Variants in SMYD3 observed in about 807,000 individuals in gnomAD.
SMYD3 encodes histone-lysine N-methyltransferase SMYD3.
In SMYD3, 36 loss-of-function variants were observed where a neutral mutation model predicts 57.7. The ratio of observed to expected loss-of-function variants is 0.62; its 90% confidence interval spans 0.48 to 0.82. The LOEUF (loss-of-function observed/expected upper bound fraction) is 0.82. SMYD3 is among the 40% of genes least tolerant of loss of function. The probability of loss-of-function intolerance (pLI) is 0.00; values close to 1 mark genes in which losing one functional copy is unlikely to be tolerated. For synonymous variants in SMYD3, 211 were observed against 195.0 expected, an observed-to-expected ratio of 1.08 and a Z score of -0.68; for missense variants, 515 against 538.8, an observed-to-expected ratio of 0.96 and a Z score of 0.44.
At position 246,378,759 on chromosome 1, in the gene SMYD3, A is replaced by T. The variant is rs1453407430; in HGVS notation, c.165-23665T>A. The stretch of plus-strand genomic sequence containing the variant: ...ATATATAATTATATATAATATATTT[A>T]ATATATTATATATAATTTAATATAT... On this transcript the variant is annotated intron_variant, in intron 1 of 11. Coordinates refer to ENST00000490107, the MANE Select transcript of SMYD3 (RefSeq NM_001167740.2). Among the ~76,000 whole-genome samples, 3 of 105,352 alleles carry T rather than the reference A, an allele frequency of 2.8e-5. No homozygotes were observed. In the Admixed American group the frequency reaches 3.6e-4, roughly 13 times the overall value. 69.1% of individuals were successfully genotyped at this position (105,352 alleles called of 152,430 possible). A position where few individuals can be genotyped will look rare whatever the true frequency, so the allele number is the denominator to read the frequency against.
At chr1:246,183,328 T>C (rs1168259347) in intron 5 of SMYD3, among the ~76,000 whole-genome samples, 1 of 151,298 alleles carries the variant, frequency 6.6e-6, no homozygotes, top group Non-Finnish European at 1.5e-5. Flanking sequence ...TTCAAAGCAT[T>C]TTCAAGCACA....
intron 1 of SMYD3, among the ~76,000 whole-genome samples, chr1:246,359,449 C>T (rs1435410808): frequency 6.6e-6 from 1 of 152,138 alleles, no homozygotes; most frequent in African/African-American, 2.4e-5. Flanking sequence ...AGGGAATCCT[C>T]CTTAAATCAT....
intron 5 of SMYD3, among the ~76,000 whole-genome samples, chr1:246,096,857 A>G (rs559206385): frequency 4.6e-5 from 7 of 152,356 alleles, no homozygotes; most frequent in Non-Finnish European, 7.3e-5. Flanking sequence ...TGCAACAACC[A>G]CCAAATGATC....
At chr1:246,060,168 G>T (rs1391669521) in intron 5 of SMYD3, among the ~76,000 whole-genome samples, 1 of 151,974 alleles carries the variant, frequency 6.6e-6, no homozygotes, top group Admixed American at 6.6e-5. Context: ...CACATCTGTA[G>T]TCCCAGCTAC....
intron 5 of SMYD3, among the ~76,000 whole-genome samples, chr1:246,303,817 T>C (rs1249200302): frequency 6.6e-6 from 1 of 152,188 alleles, no homozygotes; most frequent in Non-Finnish European, 1.5e-5. Flanking sequence ...ATTCAGTTTG[T>C]CCATATCATG....
chr1:246,414,719 T>TTC, intron 1 of SMYD3, among the ~76,000 whole-genome samples: 1 of 145,280 alleles, frequency 6.9e-6, no homozygotes, highest in East Asian at 2.0e-4. Context: ...TTTTGCTGGT[T>TTC]TTTTTTTTTT....
At chr1:246,407,222 AT>A (rs2066881122) in intron 1 of SMYD3, among the ~76,000 whole-genome samples, 1 of 152,250 alleles carries the variant, frequency 6.6e-6, no homozygotes, top group African/African-American at 2.4e-5. Context: ...GTAACTGCTG[AT>A]TATGTATAAG....
intron 5 of SMYD3, among the ~76,000 whole-genome samples, chr1:245,963,657 T>C (rs566724252): frequency 3.7e-4 from 56 of 151,314 alleles, no homozygotes; most frequent in Non-Finnish European, 6.2e-4. Context: ...ATCAGCACCA[T>C]AGGAAAAGGA....
chr1:246,043,942 C>T (rs980752490), intron 5 of SMYD3, among the ~76,000 whole-genome samples: 11 of 152,216 alleles, frequency 7.2e-5, no homozygotes, highest in Non-Finnish European at 1.2e-4. Context: ...GAAGCCTGTT[C>T]GCACATTCAC....
chr1:246,240,166 C>T (rs10924598), intron 5 of SMYD3, among the ~76,000 whole-genome samples: 1 of 151,962 alleles, frequency 6.6e-6, no homozygotes, highest in Non-Finnish European at 1.5e-5. Context: ...GTCCTTGCCC[C>T]TCCCTAGGTC....
chr1:245,817,232 C>T (rs1481263013), intron 10 of SMYD3, among the ~76,000 whole-genome samples: 2 of 143,498 alleles, frequency 1.4e-5, no homozygotes, highest in East Asian at 2.0e-4. Context: ...CAAGTGGGTC[C>T]CTGACCCCTG....
intron 10 of SMYD3, among the ~76,000 whole-genome samples, chr1:245,835,765 G>A (rs1194540036): frequency 6.6e-6 from 1 of 152,160 alleles, no homozygotes; most frequent in East Asian, 1.9e-4. Context: ...GGGATCATTA[G>A]GAAAAACAGG....
intron 1 of SMYD3, among the ~76,000 whole-genome samples, chr1:246,478,622 A>G (rs1320590962): frequency 5.2e-5 from 6 of 115,884 alleles, no homozygotes; most frequent in East Asian, 2.4e-4. Context: ...CTGGTACGTA[A>G]GTGCTCATAT....
intron 3 of SMYD3, among the ~76,000 whole-genome samples, chr1:246,333,529 T>A (rs1241855190): frequency 6.6e-6 from 1 of 152,140 alleles, no homozygotes; most frequent in Non-Finnish European, 1.5e-5. Flanking sequence ...ATCCAGAATC[T>A]ATAAGGAACT....
chr1:246,296,735 A>T (rs2064802192), intron 5 of SMYD3, among the ~76,000 whole-genome samples: 1 of 152,182 alleles, frequency 6.6e-6, no homozygotes, highest in Admixed American at 6.5e-5. Flanking sequence ...TTAGAAAATC[A>T]GACATTTTAA....
rs545596540 is a variant in SMYD3, at chr1:246,060,788, A to G, written c.532-130851T>C. On this transcript the variant is annotated intron_variant, in intron 5 of 11. Transcript: ENST00000490107. Reference sequence around the variant, plus strand: ...TCATGTTACTTTTCTAAGCCAGCCCATCAAAAGTCTGAGGAGACAGTCACT... The same window carrying G: ...TCATGTTACTTTTCTAAGCCAGCCCGTCAAAAGTCTGAGGAGACAGTCACT... Among the ~76,000 whole-genome samples, 354 of 152,324 alleles carry G rather than the reference A, an allele frequency of 2.3e-3. 2 individuals are homozygous for G. Among genetic ancestry groups the G allele is most frequent in the Non-Finnish European group, 3.9e-3 (262 of 68,030 alleles).
intron 10 of SMYD3, among the ~76,000 whole-genome samples, chr1:245,830,573 C>T (rs934063788): frequency 2.6e-5 from 4 of 152,178 alleles, no homozygotes; most frequent in Non-Finnish European, 4.4e-5. Flanking sequence ...CACCATGTTG[C>T]TGTTTTTCTT....
chr1:245,932,353 T>C (rs187818962), intron 5 of SMYD3, among the ~76,000 whole-genome samples: 15 of 152,328 alleles, frequency 9.8e-5, no homozygotes, highest in Middle Eastern at 3.4e-3. Flanking sequence ...TCAGCTTGCT[T>C]GTCTCTTCCA....
chr1:246,078,590 C>T (rs2788013), intron 5 of SMYD3, among the ~76,000 whole-genome samples: 26,131 of 151,976 alleles, frequency 0.17, 2,791 homozygotes, highest in East Asian at 0.4. Context: ...AATGGAGAGT[C>T]GAAGAAGAAT....
Sources: allele counts gnomAD v4.1 joint callset (sites outside exome capture counted in the v4.1 genomes callset), GRCh38; gene constraint gnomAD v4.1.1; transcripts MANE v1.5; gene names NCBI Gene and HGNC (gene_info 2026-07-23, HGNC 2026-07-21).